PIBF1: variants seen among roughly 807,000 people sequenced by gnomAD.
PIBF1 encodes the protein progesterone immunomodulatory binding factor 1.
Under a neutral mutation model 112.5 loss-of-function variants are expected in PIBF1, and 90 were observed. That is an observed-to-expected ratio of 0.80 (90% confidence interval 0.67 to 0.95). The LOEUF (loss-of-function observed/expected upper bound fraction) is 0.95. PIBF1 is among the 40% of genes least tolerant of loss of function. The pLI, the probability that PIBF1 is intolerant of heterozygous loss-of-function variation, is 0.00. For synonymous variants in PIBF1, 301 were observed against 288.6 expected (o/e 1.04, Z -0.44); for missense variants, 915 against 852.3 (o/e 1.07, Z -0.92).
intron 16 of PIBF1, among the ~76,000 whole-genome samples, chr13:72,980,527 G>T (rs751152852): frequency 5.9e-5 from 9 of 152,226 alleles, no homozygotes; most frequent in Non-Finnish European, 1.2e-4. Flanking sequence ...CGGCACGGTG[G>T]CTCATGCCTG....
intron 13 of PIBF1, among the ~76,000 whole-genome samples, chr13:72,925,432 G>GT (rs1032150616): frequency 2.6e-5 from 4 of 151,044 alleles, no homozygotes; most frequent in African/African-American, 9.7e-5. Context: ...ACTGTAACAG[G>GT]TTTTTATATT....
chr13:72,890,603 A>G (rs574774243), intron 10 of PIBF1, among the ~76,000 whole-genome samples: 1 of 152,224 alleles, frequency 6.6e-6, no homozygotes, highest in South Asian at 2.1e-4. Flanking sequence ...CTCTGTGGAA[A>G]ATTTTACCTC....
At chr13:72,979,526 C>G (rs1173894434) in intron 16 of PIBF1, among the ~76,000 whole-genome samples, 33 of 152,124 alleles carry the variant, frequency 2.2e-4, no homozygotes, top group Admixed American at 2.0e-3. Flanking sequence ...GGAAGAACAC[C>G]TCTTAGGAAG....
At chr13:72,816,900 T>C (rs2036300942) in intron 5 of PIBF1, among the ~76,000 whole-genome samples, 1 of 152,194 alleles carries the variant, frequency 6.6e-6, no homozygotes, top group South Asian at 2.1e-4. Context: ...GAGTTGTCTC[T>C]GGCAGCAAAA....
intron 4 of PIBF1, among the ~76,000 whole-genome samples, chr13:72,797,095 T>C (rs2035234909): frequency 6.6e-6 from 1 of 152,050 alleles, no homozygotes; most frequent in Non-Finnish European, 1.5e-5. Context: ...CTGAGACAAG[T>C]ATGAGTGGAA....
At chr13:72,831,005 A>G (rs922080980) in intron 8 of PIBF1, among the ~76,000 whole-genome samples, 32 of 151,932 alleles carry the variant, frequency 2.1e-4, no homozygotes, top group Non-Finnish European at 3.8e-4. Flanking sequence ...GGGAGGGTGT[A>G]TGTCCAGGAA....
chr13:72,903,065 T>G (rs1032582641), intron 11 of PIBF1, among the ~76,000 whole-genome samples: 5 of 151,544 alleles, frequency 3.3e-5, no homozygotes, highest in Non-Finnish European at 7.4e-5. Context: ...CCAGCTAATG[T>G]TTTTATGTTT....
rs1011445609 is a variant in PIBF1, at chr13:72,822,106, A to G, written c.806+124A>G. ...ACCTTATTCTTCTTTGCACAAATGCATGCAGTTTTGGCAGTTTGTTGGGTT... is the reference window on the plus strand; with the variant it reads ...ACCTTATTCTTCTTTGCACAAATGCGTGCAGTTTTGGCAGTTTGTTGGGTT... On this transcript the variant is annotated intron_variant, in intron 6 of 17. Transcript: ENST00000326291. 4.9e-6 allele frequency: 4 copies of G among 819,256 alleles called. No homozygotes were observed. The African/African-American group carries it at 5.3e-5, about 11-fold the overall frequency. The allele number at this position is 819,256 out of a possible 1,614,324, so 50.7% of individuals were successfully genotyped here. A position where few individuals can be genotyped will look rare whatever the true frequency, so the allele number is the denominator to read the frequency against.
chr13:72,993,101 A>T (rs763140247), intron 16 of PIBF1, among the ~76,000 whole-genome samples: 1 of 152,090 alleles, frequency 6.6e-6, no homozygotes, highest in African/African-American at 2.4e-5. Flanking sequence ...TGAGAGGCCA[A>T]GGCAAGTGGA....
chr13:72,953,592 C>T (rs978990876), intron 14 of PIBF1, among the ~76,000 whole-genome samples: 15 of 152,166 alleles, frequency 9.9e-5, no homozygotes, highest in African/African-American at 2.9e-4. Flanking sequence ...TTACAAATAA[C>T]CTTAGTGTTG....
At chr13:72,843,023 A>T (rs6562730) in intron 9 of PIBF1, among the ~76,000 whole-genome samples, 117,978 of 152,136 alleles carry the variant, frequency 0.78, 46,068 homozygotes, top group South Asian at 0.85. Flanking sequence ...GAATTTAGAT[A>T]TACCTTTGTG....
chr13:73,005,268 A>G (rs2043996088), intron 17 of PIBF1, among the ~76,000 whole-genome samples: 1 of 151,846 alleles, frequency 6.6e-6, no homozygotes, highest in Admixed American at 6.6e-5. Context: ...GCCTGGGCAA[A>G]AACTTTTGTG....
At chr13:72,820,003 T>A (rs1040969933) in intron 5 of PIBF1, among the ~76,000 whole-genome samples, 2 of 152,148 alleles carry the variant, frequency 1.3e-5, no homozygotes, top group African/African-American at 4.8e-5. Flanking sequence ...CCAAATTCTG[T>A]CATGGCGTTT....
At chr13:72,945,403 C>G (rs760940379) in intron 14 of PIBF1, among the ~76,000 whole-genome samples, 19 of 152,158 alleles carry the variant, frequency 1.2e-4, no homozygotes, top group Non-Finnish European at 2.6e-4. Context: ...GGTTTATACC[C>G]AGTAATGAGA....
At chr13:72,930,002 G>A (rs917044952) in intron 13 of PIBF1, among the ~76,000 whole-genome samples, 1 of 152,000 alleles carries the variant, frequency 6.6e-6, no homozygotes, top group Non-Finnish European at 1.5e-5. Flanking sequence ...TGGAACCACA[G>A]GCATGCACCA....
chr13:72,948,078 C>T (rs949039810), intron 14 of PIBF1, among the ~76,000 whole-genome samples: 5 of 151,912 alleles, frequency 3.3e-5, no homozygotes, highest in South Asian at 2.1e-4. Context: ...GGGCCTGTCT[C>T]GGGGTGGGGA....
chr13:72,867,323 A>C (rs1412021502), intron 10 of PIBF1, among the ~76,000 whole-genome samples: 2 of 152,180 alleles, frequency 1.3e-5, no homozygotes, highest in South Asian at 2.1e-4. Context: ...AAGTCCATTA[A>C]ACCTCTTTTT....
chr13:72,840,055 T>C (rs962613741), intron 9 of PIBF1, among the ~76,000 whole-genome samples: 9 of 152,214 alleles, frequency 5.9e-5, no homozygotes. Flanking sequence ...AATTGCAGCC[T>C]GAGCCCAGAT....
intron 17 of PIBF1, among the ~76,000 whole-genome samples, chr13:73,003,184 A>T (rs2043927879): frequency 4.6e-5 from 7 of 152,038 alleles, no homozygotes; most frequent in Admixed American, 4.6e-4. Context: ...TTGATACATA[A>T]GTGGTTATAT....
Sources: allele counts gnomAD v4.1 joint callset (sites outside exome capture counted in the v4.1 genomes callset), GRCh38; gene constraint gnomAD v4.1.1; transcripts MANE v1.5; gene names NCBI Gene and HGNC (gene_info 2026-07-23, HGNC 2026-07-21).